PDE6C: variants seen among roughly 807,000 people sequenced by gnomAD.
The protein encoded by PDE6C is phosphodiesterase 6C, also known as cone cGMP-specific 3',5'-cyclic phosphodiesterase subunit alpha'.
PDE6C carries 75 observed loss-of-function variants against 113.1 expected under a neutral mutation model. That is an observed-to-expected ratio of 0.66 (90% CI 0.55 to 0.80). PDE6C has a LOEUF of 0.80. Among genes scored for constraint, PDE6C ranks in the 30% least tolerant of loss-of-function variants. PDE6C has a pLI of 0.00. For synonymous variants in PDE6C, 375 were observed against 363.7 expected (o/e 1.03, Z -0.35); for missense variants, 912 against 1,038.6 (o/e 0.88, Z 1.67).
intron 7 of PDE6C, among the ~76,000 whole-genome samples, chr10:93,628,647 A>T (rs554241309): frequency 1.3e-5 from 2 of 152,348 alleles, no homozygotes; most frequent in African/African-American, 2.4e-5. Flanking sequence ...TTGGAAAGAC[A>T]TGGTCTTTTA....
chr10:93,655,660 AGT>A, intron 15 of PDE6C, 98 bp from the exon 16 acceptor site: 2 of 716,308 alleles, frequency 2.8e-6, no homozygotes, highest in South Asian at 1.5e-5. Context: ...CAAACAAAAA[AGT>A]GTTGAAAGAC....
At chr10:93,652,019 A>ATGTGTG (rs371473946) in intron 15 of PDE6C, among the ~76,000 whole-genome samples, 2 of 151,366 alleles carry the variant, frequency 1.3e-5, no homozygotes, top group African/African-American at 4.8e-5. Flanking sequence ...GTGTGTGTGC[A>ATGTGTG]TGTGTGTGTG....
rs1442117491 is a variant in PDE6C at position 93,613,141 on chromosome 10, A to G, written c.416A>G (p.Asp139Gly). 2 of 1,614,076 alleles carry G rather than the reference A, an allele frequency of 1.2e-6. No homozygotes were observed. Among genetic ancestry groups the G allele is most frequent in the Admixed American group, 1.7e-5 (1 of 60,020 alleles). Residue 139 changes from aspartate (D) to glycine (G), a missense_variant, in exon 1 of 22, where the codon GAC becomes GGC. Coordinates refer to ENST00000371447, the MANE Select transcript of PDE6C (RefSeq NM_006204.4). ...GACAAAGAAGTTGTGTTTCCATTGG[A>G]CATTGGGATAGTGGGTTGGGCTGCT... ...GPDKEVVFPLDIGIVGWAAHT... is the reference protein window; with the variant it reads ...GPDKEVVFPLGIGIVGWAAHT...
chr10:93,659,064 T>C (rs2058654424), intron 17 of PDE6C, 40 bp from the exon 18 acceptor site: 1 of 1,573,378 alleles, frequency 6.4e-7, no homozygotes, highest in East Asian at 2.3e-5. Flanking sequence ...ACTTATTTTG[T>C]ACTTATTTCT....
chr10:93,625,982 C>T (rs968811865), intron 5 of PDE6C, among the ~76,000 whole-genome samples: 1 of 152,144 alleles, frequency 6.6e-6, no homozygotes, highest in African/African-American at 2.4e-5. Context: ...ATTAGAATCT[C>T]TAAGGAAGGG....
chr10:93,665,438 A>G lies in PDE6C; in HGVS notation c.*20A>G. 6.9e-7 allele frequency: 1 copy of G among 1,456,960 alleles called. No individual in the cohort carries two copies. Among genetic ancestry groups the G allele is most frequent in the East Asian group, 2.3e-5 (1 of 44,126 alleles). 90.3% of individuals were successfully genotyped at this position (1,456,960 alleles called of 1,614,324 possible). On this transcript the variant is annotated 3_prime_UTR_variant, in exon 22 of 22. Transcript: ENST00000371447. ...TTGTAATATTATCTAACTGGTCTAAACTTCAAATATCATTTTACCTTTGAA... is the reference window on the plus strand; with the variant it reads ...TTGTAATATTATCTAACTGGTCTAAGCTTCAAATATCATTTTACCTTTGAA...
At chr10:93,632,982 T>C (rs2058509054) in intron 8 of PDE6C, among the ~76,000 whole-genome samples, 1 of 152,206 alleles carries the variant, frequency 6.6e-6, no homozygotes, top group South Asian at 2.1e-4. Context: ...TTAGAAAGGC[T>C]TCATGGGAGA....
intron 1 of PDE6C, among the ~76,000 whole-genome samples, chr10:93,616,755 G>A (rs554955832): frequency 6.7e-4 from 101 of 149,990 alleles, no homozygotes; most frequent in African/African-American, 2.3e-3. Context: ...CCAAGTTAGA[G>A]CCATTCTCCT....
intron 15 of PDE6C, among the ~76,000 whole-genome samples, chr10:93,650,093 C>A (rs752778309): frequency 1.3e-5 from 2 of 152,188 alleles, no homozygotes; most frequent in Non-Finnish European, 2.9e-5. Context: ...TTTTCAGTTG[C>A]TATGGATTAG....
Position 93,629,379 on chromosome 10 carries a change from C to A in PDE6C, c.1119+74C>A, listed in dbSNP as rs1414265926. ...AGTGGATGCTCTCGCCTCTCCTCCA[C>A]CCCCAGAGTCCGCCTGATGCTCAGG... is the stretch of plus-strand genomic sequence containing the variant. On this transcript the variant is annotated intron_variant, in intron 8 of 21. Transcript: ENST00000371447. 7 of 1,065,420 alleles carry A rather than the reference C, an allele frequency of 6.6e-6. No individual in the cohort carries two copies. In the Admixed American group the frequency reaches 1.0e-4, roughly 15 times the overall value. The allele number at this position is 1,065,420 out of a possible 1,614,324, so 66.0% of individuals were successfully genotyped here.
intron 4 of PDE6C, among the ~76,000 whole-genome samples, chr10:93,624,705 CA>C (rs1212808876): frequency 2.6e-5 from 4 of 152,166 alleles, no homozygotes; most frequent in Non-Finnish European, 5.9e-5. Context: ...TAAGAAACAT[CA>C]GACACAGCTA....
Position 93,655,805 on chromosome 10 carries a change from GT to G in PDE6C, c.1983del (p.Ile662PhefsTer8). ...QNLNKRQFET[V>X]IHLFEVAIIA... ...CCTAAATAAGCGGCAGTTTGAAACA[GT>G]TATTCATTTGTTCGAGGTCGCAATA... On this transcript the variant is annotated frameshift_variant, in exon 16 of 22. Coordinates refer to ENST00000371447, the MANE Select transcript of PDE6C (RefSeq NM_006204.4). LOFTEE classifies it high-confidence loss of function. 6.2e-7 allele frequency: 1 copy of G among 1,610,702 alleles called. No homozygotes were observed. Among genetic ancestry groups the G allele is most frequent in the Non-Finnish European group, 8.5e-7 (1 of 1,176,970 alleles).
At chr10:93,614,479 T>C (rs1253458499) in intron 1 of PDE6C, among the ~76,000 whole-genome samples, 1 of 152,218 alleles carries the variant, frequency 6.6e-6, no homozygotes, top group African/African-American at 2.4e-5. Context: ...AGTGTCTAAA[T>C]GGATGCTCAT....
In PDE6C at chr10:93,620,992, G is replaced by A. The variant is rs200620730; in HGVS notation, c.723+12G>A. On this transcript the variant is annotated intron_variant, in intron 3 of 21. Coordinates refer to ENST00000371447, the MANE Select transcript of PDE6C (RefSeq NM_006204.4). Reference sequence around the variant, plus strand: ...CCCGAAGAAGCCAGGTAAAAGGAAGGCAGCATTAGTCATTCCATGCTGACC... The same window carrying A: ...CCCGAAGAAGCCAGGTAAAAGGAAGACAGCATTAGTCATTCCATGCTGACC... 3 of 1,603,468 alleles carry A rather than the reference G, an allele frequency of 1.9e-6. No homozygotes were observed. The East Asian group carries it at 6.7e-5, about 36-fold the overall frequency.
intron 16 of PDE6C, among the ~76,000 whole-genome samples, chr10:93,656,350 T>A (rs1333290258): frequency 6.6e-6 from 1 of 152,160 alleles, no homozygotes; most frequent in Non-Finnish European, 1.5e-5. Flanking sequence ...AACTGAGTCA[T>A]ACGTAACAGA....
At chr10:93,615,682 C>G (rs1363976824) in intron 1 of PDE6C, among the ~76,000 whole-genome samples, 1 of 152,182 alleles carries the variant, frequency 6.6e-6, no homozygotes, top group Non-Finnish European at 1.5e-5. Context: ...GCGCCCGGCC[C>G]AGGCATTGGT....
Position 93,663,109 on chromosome 10 carries a change from G to A in PDE6C, c.2449G>A (p.Asp817Asn). 1 of 1,613,586 alleles carries A rather than the reference G, an allele frequency of 6.2e-7. No individual in the cohort carries two copies. The highest frequency in any genetic ancestry group is 8.5e-7 in the Non-Finnish European group (1 of 1,179,690). ...CAGAGTAGAATGGAAATCACTAGCTGATGAGTATGATGCAAAGATGAAGGT... is the reference window on the plus strand; with the variant it reads ...CAGAGTAGAATGGAAATCACTAGCTAATGAGTATGATGCAAAGATGAAGGT... ...NNRVEWKSLADEYDAKMKVIE... is the reference protein window; with the variant it reads ...NNRVEWKSLANEYDAKMKVIE... Residue 817 changes from aspartate to asparagine, a missense_variant, in exon 21 of 22, where the codon GAT (aspartate) becomes AAT (asparagine). Transcript: ENST00000371447.
intron 13 of PDE6C, 61 bp downstream of exon 13, chr10:93,640,618 G>A: frequency 2.6e-6 from 3 of 1,142,396 alleles, no homozygotes; most frequent in South Asian, 1.2e-5. Flanking sequence ...AGCATGATGA[G>A]AAATAGGTAT....
intron 8 of PDE6C, among the ~76,000 whole-genome samples, chr10:93,633,864 A>G (rs547759): frequency 0.54 from 81,997 of 152,026 alleles, 22,997 homozygotes; most frequent in South Asian, 0.66. Context: ...CCCATCACTC[A>G]GGCTTGGGAA....
Sources: allele counts gnomAD v4.1 joint callset (sites outside exome capture counted in the v4.1 genomes callset), GRCh38; gene constraint gnomAD v4.1.1; transcripts MANE v1.5; gene names NCBI Gene and HGNC (gene_info 2026-07-23, HGNC 2026-07-21).